SYT16: variants seen among roughly 807,000 people sequenced by gnomAD.
The protein encoded by SYT16 is synaptotagmin-16.
A neutral mutation model predicts 61.4 loss-of-function variants in SYT16; 42 were observed. The ratio of observed to expected loss-of-function variants is 0.68; its 90% CI spans 0.53 to 0.89. The LOEUF is 0.89. Among genes scored for constraint, SYT16 ranks in the 40% least tolerant of loss-of-function variants. The probability of loss-of-function intolerance (pLI) is 0.00; values close to 1 mark genes in which losing one functional copy is unlikely to be tolerated. For missense variants in SYT16, 804 were observed against 807.3 expected, an observed-to-expected ratio of 1.00 and a Z score of 0.05; for synonymous variants, 314 against 302.3, an observed-to-expected ratio of 1.04 and a Z score of -0.40.
intron 1 of SYT16, among the ~76,000 whole-genome samples, chr14:61,955,348 A>G (rs2050831421): frequency 6.6e-6 from 1 of 152,084 alleles, no homozygotes; most frequent in Non-Finnish European, 1.5e-5. Flanking sequence ...TATACAATAC[A>G]GTATTGTCGA....
chr14:61,838,319 C>G (rs1487147404), intron 1 of SYT16, among the ~76,000 whole-genome samples: 2 of 152,120 alleles, frequency 1.3e-5, no homozygotes, highest in South Asian at 2.1e-4. Flanking sequence ...GGGATGGGGC[C>G]CAGTCCACTC....
In SYT16 at chr14:61,846,098, G is replaced by A. The variant is rs8006811; in HGVS notation, c.-325+33288G>A. 7.2e-3 allele frequency among the ~76,000 whole-genome samples: 1,103 copies of A among 152,232 alleles called. 19 individuals carry two copies. The highest frequency in any genetic ancestry group is 0.026 in the African/African-American group (1,060 of 41,540). On this transcript the variant is annotated intron_variant, in intron 1 of 7. Coordinates refer to ENST00000683842, the MANE Select transcript of SYT16 (RefSeq NM_001367656.1). Reference sequence around the variant, plus strand: ...GACCTAACATATGGTCTATTCATGTGCTGGGGAAAAGAATGTGTATTCTGC... The same window carrying A: ...GACCTAACATATGGTCTATTCATGTACTGGGGAAAAGAATGTGTATTCTGC...
Position 62,034,815 on chromosome 14 carries a change from A to G in SYT16, c.524-34788A>G, listed in dbSNP as rs375410083. Among the ~76,000 whole-genome samples, 8 of 152,288 alleles carry G rather than the reference A, an allele frequency of 5.3e-5. No homozygotes were observed. The East Asian group carries it at 1.3e-3, about 26-fold the overall frequency. ...TTGTGATGGTTGCATAAGTCTGTAC[A>G]ACATTGTACTGTATACTTAAAATTG... On this transcript the variant is annotated intron_variant, in intron 3 of 7. Transcript: ENST00000683842.
intron 3 of SYT16, among the ~76,000 whole-genome samples, chr14:62,068,510 A>C (rs2056160187): frequency 6.6e-6 from 1 of 152,240 alleles, no homozygotes; most frequent in African/African-American, 2.4e-5. Flanking sequence ...GATGTGGATT[A>C]TAGTGAATAA....
intron 3 of SYT16, among the ~76,000 whole-genome samples, chr14:62,065,248 A>G (rs1031884726): frequency 2.7e-4 from 41 of 152,236 alleles, no homozygotes; most frequent in African/African-American, 9.9e-4. Context: ...GGTTAGGGAC[A>G]TAGATGCTAC....
intron 5 of SYT16, among the ~76,000 whole-genome samples, chr14:62,075,920 A>G (rs1431954620): frequency 6.6e-6 from 1 of 152,232 alleles, no homozygotes; most frequent in African/African-American, 2.4e-5. Flanking sequence ...GAATATATAC[A>G]AAATATATTT....
rs567226244 is a variant in SYT16, at chr14:61,829,464, A to ATATTTT, written c.-325+16659_-325+16664dup. 3.1e-3 allele frequency among the ~76,000 whole-genome samples: 475 copies of ATATTTT among 152,060 alleles called. 2 individuals are homozygous for ATATTTT. Among genetic ancestry groups the ATATTTT allele is most frequent in the African/African-American group, 0.01 (434 of 41,486 alleles). On this transcript the variant is annotated intron_variant, in intron 1 of 7. Transcript: ENST00000683842. ...ATTTATGTCTTTCCCCAAATTTGGG[A>ATATTTT]TATTTTTATTATTTCTTGAAATAGT...
chr14:61,855,674 G>C (rs2046750777), intron 1 of SYT16, among the ~76,000 whole-genome samples: 1 of 152,198 alleles, frequency 6.6e-6, no homozygotes, highest in African/African-American at 2.4e-5. Context: ...GGGACTATCT[G>C]TATGTGTATT....
At chr14:61,822,367 C>G (rs1026389947) in intron 1 of SYT16, among the ~76,000 whole-genome samples, 8 of 152,168 alleles carry the variant, frequency 5.3e-5, no homozygotes, top group Non-Finnish European at 1.2e-4. Context: ...TGGTGCCTAT[C>G]CATATTGAGG....
chr14:61,991,116 C>G (rs1053147652), intron 2 of SYT16, among the ~76,000 whole-genome samples: 1 of 151,988 alleles, frequency 6.6e-6, no homozygotes, highest in Non-Finnish European at 1.5e-5. Flanking sequence ...TGTAAATCTT[C>G]CCAGGTCATG....
intron 7 of SYT16, among the ~76,000 whole-genome samples, chr14:62,091,248 G>A (rs2057062723): frequency 6.6e-6 from 1 of 152,148 alleles, no homozygotes; most frequent in African/African-American, 2.4e-5. Flanking sequence ...ACTCAGCTTA[G>A]CATTTTGTTC....
At chr14:62,025,411 T>A (rs1281695590) in intron 3 of SYT16, among the ~76,000 whole-genome samples, 18 of 152,156 alleles carry the variant, frequency 1.2e-4, no homozygotes, top group Non-Finnish European at 4.4e-5. Flanking sequence ...GTGGGTTATC[T>A]ATTCAAACAT....
Position 61,816,415 on chromosome 14 carries a change from T to C in SYT16, c.-325+3605T>C, listed in dbSNP as rs142373003. 9.5e-3 allele frequency among the ~76,000 whole-genome samples: 1,447 copies of C among 152,298 alleles called. 29 individuals carry two copies. Among genetic ancestry groups the C allele is most frequent in the African/African-American group, 0.033 (1,371 of 41,550 alleles). ...TGCCTAGACTTTAAAAGAAAATTGC[T>C]TCACTTTGGCTGAAAATGGATGGAA... On this transcript the variant is annotated intron_variant, in intron 1 of 7. Transcript: ENST00000683842.
chr14:61,939,672 C>T (rs151279692), intron 1 of SYT16, among the ~76,000 whole-genome samples: 235 of 152,280 alleles, frequency 1.5e-3, no homozygotes, highest in African/African-American at 5.4e-3. Context: ...TCTCTAAAGA[C>T]CTTATCTCCA....
chr14:61,894,109 C>T (rs1218616906), intron 1 of SYT16, among the ~76,000 whole-genome samples: 1 of 152,064 alleles, frequency 6.6e-6, no homozygotes, highest in Non-Finnish European at 1.5e-5. Flanking sequence ...CATGGTAAAA[C>T]CCCATCTCTA....
chr14:61,873,753 C>G (rs981783244), intron 1 of SYT16, among the ~76,000 whole-genome samples: 3 of 152,198 alleles, frequency 2.0e-5, no homozygotes, highest in Non-Finnish European at 4.4e-5. Flanking sequence ...AGCTATCCAT[C>G]ATCATATAAA....
At chr14:61,824,392 T>G (rs1158562638) in intron 1 of SYT16, among the ~76,000 whole-genome samples, 1 of 152,096 alleles carries the variant, frequency 6.6e-6, no homozygotes, top group Non-Finnish European at 1.5e-5. Flanking sequence ...TCACTTTGTC[T>G]CCCAGGCTGG....
rs368163995 is a variant in SYT16 at position 62,069,769 on chromosome 14, G to T, written c.690G>T (p.Ser230=). 1 of 1,614,034 alleles carries T rather than the reference G, an allele frequency of 6.2e-7. No individual in the cohort carries two copies. The stretch of plus-strand genomic sequence containing the variant: ...AGCAGAAACCAAAATTCAGCCGTTC[G>T]TTGTTGACACACGGAGAAGATGGCA... The part of the protein sequence containing the change: ...GLEQKPKFSR[S]LLTHGEDGTE... Residue 230 remains serine (S), a synonymous_variant, in exon 4 of 8, where the codon TCG becomes TCT. Coordinates refer to ENST00000683842, the MANE Select transcript of SYT16 (RefSeq NM_001367656.1).
intron 3 of SYT16, among the ~76,000 whole-genome samples, chr14:62,057,498 C>G (rs1481528959): frequency 6.6e-6 from 1 of 152,030 alleles, no homozygotes; most frequent in African/African-American, 2.4e-5. Flanking sequence ...TAGGAACTCA[C>G]AATATAAATA....
Sources: allele counts gnomAD v4.1 joint callset (sites outside exome capture counted in the v4.1 genomes callset), GRCh38; gene constraint gnomAD v4.1.1; transcripts MANE v1.5; gene names NCBI Gene and HGNC (gene_info 2026-07-23, HGNC 2026-07-21).